The following LRMDA variants were observed in gnomAD, a reference collection of about 807,000 sequenced individuals.
LRMDA encodes leucine-rich melanocyte differentiation-associated protein.
Under a neutral mutation model 29.8 loss-of-function variants are expected in LRMDA, and 18 were observed. The observed-to-expected ratio is 0.60, with a 90% confidence interval of 0.42 to 0.90. The LOEUF (loss-of-function observed/expected upper bound fraction) is 0.90, where lower values mean the gene tolerates loss of function less well. Among genes scored for constraint, LRMDA ranks in the 40% least tolerant of loss-of-function variants. The pLI, the probability that LRMDA is intolerant of heterozygous loss-of-function variation, is 0.00. For synonymous variants in LRMDA, 125 were observed against 109.4 expected (o/e 1.14, Z -0.89); for missense variants, 273 against 273.9 (o/e 1.00, Z 0.02).
intron 2 of LRMDA, among the ~76,000 whole-genome samples, chr10:75,905,444 A>C (rs190451843): frequency 1.3e-3 from 191 of 152,252 alleles, no homozygotes; most frequent in African/African-American, 4.4e-3. Context: ...TGCTTCTAGC[A>C]TAAAGAAAAG....
chr10:75,567,922 G>A (rs1016014207), intron 2 of LRMDA, among the ~76,000 whole-genome samples: 3 of 152,178 alleles, frequency 2.0e-5, no homozygotes, highest in African/African-American at 7.2e-5. Context: ...GTTGTATTTG[G>A]TGTCTTCAAA....
At chr10:76,542,320 C>T (rs1283013998) in intron 6 of LRMDA, among the ~76,000 whole-genome samples, 7 of 151,964 alleles carry the variant, frequency 4.6e-5, no homozygotes, top group African/African-American at 7.3e-5. Flanking sequence ...ATAATATGGC[C>T]GCTCAATTTT....
intron 5 of LRMDA, among the ~76,000 whole-genome samples, chr10:76,213,566 T>A (rs1323664577): frequency 1.3e-5 from 2 of 152,232 alleles, no homozygotes. Flanking sequence ...TTTGAAACAT[T>A]GTTTCTTTCA....
chr10:76,465,023 T>C (rs758605339), intron 6 of LRMDA: 1 of 152,160 alleles, frequency 6.6e-6, no homozygotes, highest in Non-Finnish European at 1.5e-5. Flanking sequence ...GCTGTGCTTA[T>C]AGACATAACT....
At position 76,353,348 on chromosome 10, in the gene LRMDA, G is replaced by A. The variant is rs1841201380; in HGVS notation, c.601+28863G>A. Among the ~76,000 whole-genome samples the A allele has an allele frequency of 3.3e-5, 5 of 151,820 alleles. No homozygotes were observed. In the South Asian group the frequency reaches 1.0e-3, roughly 32 times the overall value. On this transcript the variant is annotated intron_variant, in intron 6 of 6. Coordinates refer to ENST00000611255, the MANE Select transcript of LRMDA (RefSeq NM_001305581.2). ...TGTGGAGTTGTGTGTGTGTGTGTGTGTGTGTGTGTGTGTGAGATAGATTGA... is the reference window on the plus strand; with the variant it reads ...TGTGGAGTTGTGTGTGTGTGTGTGTATGTGTGTGTGTGTGAGATAGATTGA...
At chr10:76,307,221 C>T (rs1298991739) in intron 5 of LRMDA, among the ~76,000 whole-genome samples, 2 of 152,126 alleles carry the variant, frequency 1.3e-5, no homozygotes, top group African/African-American at 4.8e-5. Flanking sequence ...ATAAACCTGC[C>T]TGATGTCAAC....
At chr10:76,381,625 C>T (rs551364524) in intron 6 of LRMDA, among the ~76,000 whole-genome samples, 32 of 152,244 alleles carry the variant, frequency 2.1e-4, no homozygotes, top group African/African-American at 6.3e-4. Flanking sequence ...TAAGCATCTC[C>T]GTGCTTACAA....
intron 2 of LRMDA, among the ~76,000 whole-genome samples, chr10:75,576,764 TC>T (rs1273078221): frequency 6.6e-6 from 1 of 152,116 alleles, no homozygotes; most frequent in Admixed American, 6.5e-5. Context: ...GGAGTGGACC[TC>T]CAGCAAACTC....
At chr10:76,071,518 C>A (rs1178629552) in intron 5 of LRMDA, among the ~76,000 whole-genome samples, 1 of 152,226 alleles carries the variant, frequency 6.6e-6, no homozygotes, top group Non-Finnish European at 1.5e-5. Context: ...AGCCTCTACA[C>A]TTTTAGATGC....
intron 6 of LRMDA, among the ~76,000 whole-genome samples, chr10:76,395,284 G>A (rs1265884510): frequency 6.6e-6 from 1 of 152,066 alleles, no homozygotes; most frequent in East Asian, 1.9e-4. Context: ...TGTATCCTTG[G>A]CTGACTCTCA....
intron 2 of LRMDA, among the ~76,000 whole-genome samples, chr10:75,549,569 C>T (rs898937845): frequency 2.6e-5 from 4 of 152,178 alleles, no homozygotes; most frequent in African/African-American, 9.7e-5. Context: ...GATCCTCCTG[C>T]CTCAGCCTCC....
intron 5 of LRMDA, among the ~76,000 whole-genome samples, chr10:76,316,525 G>A (rs1380711136): frequency 6.6e-6 from 1 of 152,226 alleles, no homozygotes; most frequent in Non-Finnish European, 1.5e-5. Flanking sequence ...AATGAGCCCA[G>A]TGAGGCTAAG....
chr10:76,288,265 C>A (rs1420320297), intron 5 of LRMDA, among the ~76,000 whole-genome samples: 1 of 152,122 alleles, frequency 6.6e-6, no homozygotes, highest in Non-Finnish European at 1.5e-5. Flanking sequence ...TACCATTTGA[C>A]CCAACAATCC....
At chr10:75,444,067 G>A (rs1844361635) in intron 2 of LRMDA, among the ~76,000 whole-genome samples, 3 of 152,068 alleles carry the variant, frequency 2.0e-5, no homozygotes, top group Admixed American at 6.5e-5. Flanking sequence ...TTCTACTATG[G>A]CCACCTGTTT....
intron 6 of LRMDA, among the ~76,000 whole-genome samples, chr10:76,348,320 G>A (rs1004614335): frequency 6.6e-6 from 1 of 152,148 alleles, no homozygotes; most frequent in African/African-American, 2.4e-5. Context: ...GTGGTAGAGT[G>A]GGGTAGAGCT....
intron 2 of LRMDA, among the ~76,000 whole-genome samples, chr10:75,512,995 C>T (rs1345981354): frequency 2.6e-5 from 4 of 151,968 alleles, no homozygotes; most frequent in South Asian, 2.1e-4. Flanking sequence ...GGGGTTTTCT[C>T]GGTTTGGGGA....
At chr10:76,101,695 C>T (rs118034757) in intron 5 of LRMDA, among the ~76,000 whole-genome samples, 2,754 of 151,898 alleles carry the variant, frequency 0.018, 38 homozygotes, top group Non-Finnish European at 0.028. Flanking sequence ...TAGATCACAC[C>T]GCTGTACTCC....
intron 5 of LRMDA, among the ~76,000 whole-genome samples, chr10:76,094,755 A>G (rs1849288179): frequency 6.6e-6 from 1 of 152,222 alleles, no homozygotes; most frequent in South Asian, 2.1e-4. Flanking sequence ...AAAATATTAC[A>G]TATTAAATGC....
chr10:75,730,042 C>T (rs544649414), intron 2 of LRMDA, among the ~76,000 whole-genome samples: 6 of 152,072 alleles, frequency 3.9e-5, no homozygotes, highest in Non-Finnish European at 5.9e-5. Flanking sequence ...CCCACCTCCC[C>T]GCCTTGCTCA....
Sources: gnomAD v4.1 joint callset for allele counts (sites outside exome capture counted in the v4.1 genomes callset) on GRCh38, gnomAD v4.1.1 for gene constraint, MANE v1.5 for transcripts, NCBI Gene and HGNC (gene_info 2026-07-23, HGNC 2026-07-21) for gene names.